GRM5: variants seen among roughly 807,000 people sequenced by gnomAD.
GRM5 encodes the protein metabotropic glutamate receptor 5.
GRM5 carries 19 observed loss-of-function variants against 83.1 expected under a neutral mutation model. The observed-to-expected ratio is 0.23, with a 90% CI of 0.16 to 0.34. The LOEUF (loss-of-function observed/expected upper bound fraction) is 0.34. Ranked by LOEUF, GRM5 falls within the 10% of genes least tolerant of loss-of-function variation. The pLI, the probability that GRM5 is intolerant of heterozygous loss-of-function variation, is 1.00. For synonymous variants in GRM5, 675 were observed against 633.6 expected, an observed-to-expected ratio of 1.07 and a Z score of -0.98; for missense variants, 1,160 against 1,588.3, an observed-to-expected ratio of 0.73 and a Z score of 4.58.
At chr11:88,653,461 C>G in intron 3 of GRM5, 58 bp from the exon 4 acceptor site, 5 of 1,139,790 alleles carry the variant, frequency 4.4e-6, no homozygotes, top group East Asian at 4.7e-5. Context: ...GCAAATGAGT[C>G]CATTTGCTTT....
intron 8 of GRM5, among the ~76,000 whole-genome samples, chr11:88,562,465 A>C (rs1004630680): frequency 3.3e-5 from 5 of 152,120 alleles, no homozygotes; most frequent in Admixed American, 1.3e-4. Flanking sequence ...TGTTGCTTCA[A>C]CTTGCAGTAT....
At chr11:88,834,163 AC>A (rs1944049366) in intron 3 of GRM5, among the ~76,000 whole-genome samples, 1 of 152,174 alleles carries the variant, frequency 6.6e-6, no homozygotes, top group South Asian at 2.1e-4. Flanking sequence ...GGTGATGGAT[AC>A]TGTAAATACC....
At chr11:88,939,594 A>G (rs1938017111) in intron 2 of GRM5, among the ~76,000 whole-genome samples, 1 of 151,854 alleles carries the variant, frequency 6.6e-6, no homozygotes, top group South Asian at 2.1e-4. Context: ...ATTATCCTAA[A>G]CCAAGTAGCT....
intron 2 of GRM5, among the ~76,000 whole-genome samples, chr11:88,940,386 C>CT (rs569556457): frequency 9.5e-4 from 94 of 98,796 alleles, no homozygotes; most frequent in African/African-American, 3.5e-3. Context: ...TTCTTTTTTT[C>CT]TTTTTTTCTT....
At chr11:88,982,636 A>G (rs1038066018) in intron 2 of GRM5, among the ~76,000 whole-genome samples, 1 of 152,190 alleles carries the variant, frequency 6.6e-6, no homozygotes, top group African/African-American at 2.4e-5. Flanking sequence ...TTTGTTTTAT[A>G]CACACACAAT....
intron 8 of GRM5, among the ~76,000 whole-genome samples, chr11:88,563,749 A>C (rs1942809842): frequency 6.6e-6 from 1 of 152,232 alleles, no homozygotes; most frequent in African/African-American, 2.4e-5. Context: ...ATGTAAAAAT[A>C]TTAGAAATAC....
At chr11:88,539,340 G>T (rs1942211501) in intron 8 of GRM5, among the ~76,000 whole-genome samples, 1 of 152,166 alleles carries the variant, frequency 6.6e-6, no homozygotes, top group African/African-American at 2.4e-5. Context: ...TTGTTTACCA[G>T]AGTTTGCCTT....
chr11:88,812,726 C>T (rs930110909), intron 3 of GRM5, among the ~76,000 whole-genome samples: 4 of 152,034 alleles, frequency 2.6e-5, no homozygotes, highest in Non-Finnish European at 5.9e-5. Flanking sequence ...TCATAAAAGA[C>T]GAAATTTCAT....
chr11:88,511,837 C>T (rs911143434), intron 9 of GRM5: 11 of 152,176 alleles, frequency 7.2e-5, no homozygotes, highest in African/African-American at 2.7e-4. Context: ...GCCAACTACA[C>T]CCTTTCTCCT....
At chr11:88,791,822 T>A (rs1182768148) in intron 3 of GRM5, among the ~76,000 whole-genome samples, 1 of 152,198 alleles carries the variant, frequency 6.6e-6, no homozygotes, top group Non-Finnish European at 1.5e-5. Flanking sequence ...GAGGTTTATA[T>A]TCTTTCATTT....
chr11:88,581,298 C>G (rs1943209411), intron 7 of GRM5, among the ~76,000 whole-genome samples: 1 of 152,060 alleles, frequency 6.6e-6, no homozygotes, highest in Admixed American at 6.6e-5. Context: ...GCATACGAAA[C>G]TTTTTGTATG....
intron 2 of GRM5, among the ~76,000 whole-genome samples, chr11:89,037,419 A>G (rs1707468019): frequency 6.6e-6 from 1 of 151,952 alleles, no homozygotes; most frequent in African/African-American, 2.4e-5. Context: ...AATTATTTAC[A>G]TAATTGGTAT....
chr11:88,816,396 A>G (rs190413959), intron 3 of GRM5, among the ~76,000 whole-genome samples: 3,873 of 149,818 alleles, frequency 0.026, 175 homozygotes, highest in African/African-American at 0.09. Flanking sequence ...AAAATTAGCC[A>G]GACATGGTGG....
intron 3 of GRM5, among the ~76,000 whole-genome samples, chr11:88,733,589 G>A (rs180807660): frequency 8.7e-4 from 132 of 152,094 alleles, no homozygotes; most frequent in African/African-American, 3.0e-3. Context: ...GAAATTGCAA[G>A]CTATTATTTA....
intron 3 of GRM5, among the ~76,000 whole-genome samples, chr11:88,751,804 A>G (rs1355829961): frequency 6.6e-6 from 1 of 152,190 alleles, no homozygotes; most frequent in African/African-American, 2.4e-5. Flanking sequence ...AACATATGCA[A>G]ATCAATAAAT....
chr11:88,947,348 C>T (rs936790647), intron 2 of GRM5, among the ~76,000 whole-genome samples: 4 of 152,038 alleles, frequency 2.6e-5, no homozygotes, highest in African/African-American at 9.7e-5. Context: ...AACAACATTT[C>T]CAAAAAGCAT....
At chr11:88,699,110 A>C (rs78598496) in intron 3 of GRM5, among the ~76,000 whole-genome samples, 2 of 508 alleles carry the variant, frequency 3.9e-3, no homozygotes, top group African/African-American at 5.4e-3. Flanking sequence ...CAAAACAAAA[A>C]AAAAAACCGA....
At chr11:89,014,770 C>G (rs1490889355) in intron 2 of GRM5, among the ~76,000 whole-genome samples, 1 of 152,080 alleles carries the variant, frequency 6.6e-6, no homozygotes, top group African/African-American at 2.4e-5. Flanking sequence ...ATGCGTGTAT[C>G]AAAACATCTC....
intron 8 of GRM5, among the ~76,000 whole-genome samples, chr11:88,533,225 G>C (rs160196): frequency 0.57 from 85,948 of 151,912 alleles, 25,290 homozygotes; most frequent in African/African-American, 0.72. Context: ...GATCCCAAAA[G>C]TCACTTTTTC....
Sources: gnomAD v4.1 joint callset for allele counts (sites outside exome capture counted in the v4.1 genomes callset) on GRCh38, gnomAD v4.1.1 for gene constraint, MANE v1.5 for transcripts, NCBI Gene and HGNC (gene_info 2026-07-23, HGNC 2026-07-21) for gene names.